CACNA1C: variants seen among roughly 807,000 people sequenced by gnomAD.
The protein encoded by CACNA1C is calcium voltage-gated channel subunit alpha1 C, also known as voltage-dependent L-type calcium channel subunit alpha-1C.
Under a neutral mutation model 229.0 loss-of-function variants are expected in CACNA1C, and 30 were observed. The observed-to-expected ratio is 0.13, with a 90% CI of 0.10 to 0.18. The LOEUF (loss-of-function observed/expected upper bound fraction) is 0.18. CACNA1C is among the 10% of genes least tolerant of loss of function. The pLI, the probability that CACNA1C is intolerant of heterozygous loss-of-function variation, is 1.00. For missense variants in CACNA1C, 1,658 were observed against 2,845.0 expected (o/e 0.58, Z 9.49); for synonymous variants, 1,114 against 1,132.5 (o/e 0.98, Z 0.33).
rs116338325 is a variant in CACNA1C, at chr12:2,658,816, A to T, written c.4232+3578A>T. Among the ~76,000 whole-genome samples, 497 of 151,620 alleles carry T rather than the reference A, an allele frequency of 3.3e-3. 2 individuals are homozygous for T. Among genetic ancestry groups the T allele is most frequent in the African/African-American group, 0.011 (469 of 41,350 alleles). On this transcript the variant is annotated intron_variant, in intron 34 of 46. Transcript: ENST00000399655. ...TCCTGACCTTGAGTAGGCCTAGGCT[A>T]ATGTGTGGGTTTGTGTCTCAGCTTT...
At chr12:2,014,959 C>A (rs1349958701) in intron 1 of CACNA1C, among the ~76,000 whole-genome samples, 1 of 152,132 alleles carries the variant, frequency 6.6e-6, no homozygotes, top group Non-Finnish European at 1.5e-5. Flanking sequence ...AGGTCTTGGC[C>A]CAGGGATTCA....
At chr12:2,350,962 A>G (rs2097186087) in intron 3 of CACNA1C, among the ~76,000 whole-genome samples, 1 of 152,242 alleles carries the variant, frequency 6.6e-6, no homozygotes, top group African/African-American at 2.4e-5. Flanking sequence ...GTTCTTGTTC[A>G]TAAACTCAAG....
At chr12:2,000,862 C>A (rs887501660) in intron 1 of CACNA1C, among the ~76,000 whole-genome samples, 3 of 152,084 alleles carry the variant, frequency 2.0e-5, no homozygotes, top group African/African-American at 7.2e-5. Flanking sequence ...CATGGTGAAA[C>A]CCCGTCTCTA....
chr12:2,276,079 A>AT (rs569573571), intron 3 of CACNA1C, among the ~76,000 whole-genome samples: 11 of 137,424 alleles, frequency 8.0e-5, no homozygotes, highest in East Asian at 3.9e-4. Context: ...TTTTTTAATG[A>AT]TTTTTTTTTC....
At chr12:2,399,886 G>A (rs1018743549) in intron 3 of CACNA1C, among the ~76,000 whole-genome samples, 1 of 152,192 alleles carries the variant, frequency 6.6e-6, no homozygotes, top group Non-Finnish European at 1.5e-5. Context: ...TCTGAACTCT[G>A]ACTTCCTGTC....
chr12:2,664,764 G>A, intron 34 of CACNA1C, 61 bp from the exon 35 acceptor site: 3 of 1,414,198 alleles, frequency 2.1e-6, no homozygotes, highest in Non-Finnish European at 2.9e-6. Context: ...GAGGGATGCA[G>A]AGGGCCCTCC....
chr12:2,103,155 G>A (rs1419332968), intron 1 of CACNA1C, among the ~76,000 whole-genome samples: 2 of 152,266 alleles, frequency 1.3e-5, no homozygotes, highest in East Asian at 1.9e-4. Flanking sequence ...TTGAGGAATC[G>A]CCACACTGTC....
At chr12:2,069,703 G>T (rs138915867) in intron 1 of CACNA1C, among the ~76,000 whole-genome samples, 1 of 152,194 alleles carries the variant, frequency 6.6e-6, no homozygotes, top group African/African-American at 2.4e-5. Flanking sequence ...ACCGTTACTT[G>T]AGTATTTCAA....
At chr12:2,524,217 G>A (rs1434079751) in intron 9 of CACNA1C, among the ~76,000 whole-genome samples, 2 of 152,194 alleles carry the variant, frequency 1.3e-5, no homozygotes, top group Admixed American at 6.5e-5. Flanking sequence ...ATGCATGCCA[G>A]GCCATCCTGA....
chr12:2,589,885 G>A (rs2064412172), intron 18 of CACNA1C, among the ~76,000 whole-genome samples: 1 of 152,214 alleles, frequency 6.6e-6, no homozygotes, highest in Non-Finnish European at 1.5e-5. Flanking sequence ...CAGCTTAGAT[G>A]TTGGAGAGAG....
intron 13 of CACNA1C, among the ~76,000 whole-genome samples, 161 bp from the exon 14 acceptor site, chr12:2,581,429 G>A (rs1600954727): frequency 6.6e-6 from 1 of 152,282 alleles, no homozygotes; most frequent in East Asian, 1.9e-4. Flanking sequence ...CCTCCAGGGT[G>A]GCAACTCACA....
chr12:2,641,522 T>G, intron 30 of CACNA1C: 1 of 583,140 alleles, frequency 1.7e-6, no homozygotes. Flanking sequence ...CCCCTTCTCA[T>G]TGCTGGAGCC....
chr12:2,153,377 A>G (rs1232387403), intron 3 of CACNA1C, among the ~76,000 whole-genome samples: 1 of 152,152 alleles, frequency 6.6e-6, no homozygotes, highest in Admixed American at 6.5e-5. Flanking sequence ...CATTGAGTAC[A>G]TTCATACTGT....
At chr12:2,066,963 G>C (rs1218894440) in intron 1 of CACNA1C, among the ~76,000 whole-genome samples, 2 of 152,120 alleles carry the variant, frequency 1.3e-5, no homozygotes, top group Non-Finnish European at 2.9e-5. Flanking sequence ...GGAACGGTCA[G>C]TGGGAAACAC....
At chr12:2,192,021 TATAC>T (rs751532154) in intron 3 of CACNA1C, among the ~76,000 whole-genome samples, 53 of 142,122 alleles carry the variant, frequency 3.7e-4, no homozygotes, top group Admixed American at 7.6e-4. Flanking sequence ...CGTTCACACA[TATAC>T]ACGCACTCAC....
chr12:2,448,434 C>T (rs114818808), intron 3 of CACNA1C, among the ~76,000 whole-genome samples: 2,626 of 152,270 alleles, frequency 0.017, 85 homozygotes, highest in African/African-American at 0.059. Context: ...GTCTGGGCTG[C>T]TCTTAAGGGA....
intron 3 of CACNA1C, among the ~76,000 whole-genome samples, chr12:2,306,498 T>C (rs2095035946): frequency 6.6e-6 from 1 of 152,256 alleles, no homozygotes; most frequent in African/African-American, 2.4e-5. Flanking sequence ...TGTGGTCTTT[T>C]ATCCTGTAGA....
chr12:2,637,484 C>T (rs2092930958), intron 30 of CACNA1C, among the ~76,000 whole-genome samples: 1 of 152,222 alleles, frequency 6.6e-6, no homozygotes, highest in Non-Finnish European at 1.5e-5. Context: ...ACAACCAGAT[C>T]AAAGCCAGCA....
chr12:2,663,751 T>C (rs1263345224), intron 34 of CACNA1C, among the ~76,000 whole-genome samples: 1 of 146,280 alleles, frequency 6.8e-6, no homozygotes, highest in Admixed American at 6.8e-5. Context: ...TTTTTTTTTT[T>C]TTTTTTTTGA....
Sources: allele counts gnomAD v4.1 joint callset (sites outside exome capture counted in the v4.1 genomes callset), GRCh38; gene constraint gnomAD v4.1.1; transcripts MANE v1.5; gene names NCBI Gene and HGNC (gene_info 2026-07-23, HGNC 2026-07-21).